The following DOCK9 variants were observed in gnomAD, a reference collection of about 807,000 sequenced individuals.
DOCK9 encodes dedicator of cytokinesis 9.
In DOCK9, 89 loss-of-function variants were observed where a neutral mutation model predicts 263.3. The ratio of observed to expected loss-of-function variants is 0.34; its 90% CI spans 0.28 to 0.40. The LOEUF is 0.40. Ranked by LOEUF, DOCK9 falls within the 10% of genes least tolerant of loss-of-function variation. The pLI is 1.00. For missense variants in DOCK9, 2,140 were observed against 2,603.4 expected (o/e 0.82, Z 3.87); for synonymous variants, 976 against 973.1 (o/e 1.00, Z -0.06).
chr13:99,057,921 A>G (rs1182876607), intron 1 of DOCK9, among the ~76,000 whole-genome samples: 4 of 152,182 alleles, frequency 2.6e-5, no homozygotes, highest in African/African-American at 9.7e-5. Flanking sequence ...TGTTATGTTG[A>G]AAACTGATTG....
At chr13:99,087,944 G>A (rs913431), upstream of DOCK9, 42,570 of 152,300 alleles carry the variant, frequency 0.28, 6,321 homozygotes, top group East Asian at 0.43. Flanking sequence ...AGCCGCCATC[G>A]CTGCGGTGGA....
chr13:98,970,822 T>C (rs1261756583), intron 1 of DOCK9, among the ~76,000 whole-genome samples: 2 of 152,194 alleles, frequency 1.3e-5, no homozygotes, highest in African/African-American at 2.4e-5. Flanking sequence ...ATGCTATCTG[T>C]AGGCTGGAGC....
At chr13:99,015,701 AT>A (rs1367756107) in intron 1 of DOCK9, 7 of 1,448,046 alleles carry the variant, frequency 4.8e-6, no homozygotes, top group Non-Finnish European at 5.4e-6. Flanking sequence ...CCACTGTACC[AT>A]CTTCGTGACA....
chr13:98,984,239 C>A (rs1416483247), intron 1 of DOCK9, among the ~76,000 whole-genome samples: 1 of 152,152 alleles, frequency 6.6e-6, no homozygotes, highest in African/African-American at 2.4e-5. Flanking sequence ...GGCAGGTTCA[C>A]ATTCTATTTA....
At chr13:99,080,041 GATAA>G (rs759638839) in intron 1 of DOCK9, among the ~76,000 whole-genome samples, 1 of 152,052 alleles carries the variant, frequency 6.6e-6, no homozygotes, top group Non-Finnish European at 1.5e-5. Context: ...CTCCATCTCA[GATAA>G]ATAAATAAAT....
chr13:98,845,055 T>C (rs182015776), intron 38 of DOCK9, among the ~76,000 whole-genome samples: 2 of 152,226 alleles, frequency 1.3e-5, no homozygotes, highest in African/African-American at 4.8e-5. Context: ...TCTCATCAAT[T>C]TTTCACGTGC....
chr13:98,941,654 T>A (rs749192286), intron 2 of DOCK9, among the ~76,000 whole-genome samples: 8 of 152,230 alleles, frequency 5.3e-5, no homozygotes, highest in Non-Finnish European at 1.2e-4. Flanking sequence ...GACAGGAGAG[T>A]TACCCAGAAA....
chr13:98,826,793 C>A, intron 44 of DOCK9, 37 bp downstream of exon 44: 1 of 1,529,210 alleles, frequency 6.5e-7, no homozygotes, highest in South Asian at 1.2e-5. Flanking sequence ...TGGTTTTATA[C>A]TAATTAATTT....
intron 27 of DOCK9, among the ~76,000 whole-genome samples, chr13:98,875,107 A>G (rs535602868): frequency 3.4e-4 from 52 of 152,080 alleles, no homozygotes; most frequent in Non-Finnish European, 6.6e-4. Context: ...AAGCTCACAT[A>G]TGCACCTTCC....
chr13:98,816,266 G>A (rs1295855147), intron 45 of DOCK9, among the ~76,000 whole-genome samples: 2 of 152,002 alleles, frequency 1.3e-5, no homozygotes, highest in African/African-American at 4.8e-5. Flanking sequence ...AGACACACAC[G>A]GTCATCCTCA....
At chr13:99,070,392 C>G (rs755979542) in intron 1 of DOCK9, among the ~76,000 whole-genome samples, 1 of 152,174 alleles carries the variant, frequency 6.6e-6, no homozygotes, top group Non-Finnish European at 1.5e-5. Context: ...GTGTTTCCTT[C>G]CAATATTTTT....
intron 1 of DOCK9, among the ~76,000 whole-genome samples, chr13:98,988,143 T>C (rs1878913616): frequency 6.6e-6 from 1 of 152,278 alleles, no homozygotes; most frequent in Non-Finnish European, 1.5e-5. Context: ...GGGAAGTATT[T>C]TAAAATAATG....
chr13:99,070,498 C>T lies in DOCK9; in HGVS notation c.129+15725G>A, dbSNP rs140204431. Among the ~76,000 whole-genome samples the T allele has an allele frequency of 8.8e-4, 134 of 152,258 alleles. 5 individuals are homozygous for T. In the East Asian group the frequency reaches 0.022, roughly 25 times the overall value. ...TAATTTTCCTGTGTTATAAATTCTC[C>T]GCAAGCAGCACTTTAAAGGGTTATA... On this transcript the variant is annotated intron_variant, in intron 1 of 32. Transcript: ENST00000427887.
intron 27 of DOCK9, among the ~76,000 whole-genome samples, chr13:98,875,791 T>C (rs1440092077): frequency 1.3e-5 from 2 of 152,200 alleles, no homozygotes; most frequent in African/African-American, 4.8e-5. Flanking sequence ...AATCCATCCA[T>C]ACTTTGCAGG....
At chr13:98,985,558 T>TA (rs1210633065) in intron 1 of DOCK9, among the ~76,000 whole-genome samples, 2 of 152,216 alleles carry the variant, frequency 1.3e-5, no homozygotes, top group Non-Finnish European at 2.9e-5. Flanking sequence ...ATGGGGCTGT[T>TA]AAGCTCTGGA....
intron 1 of DOCK9, among the ~76,000 whole-genome samples, chr13:99,077,980 G>A (rs1203543231): frequency 6.6e-6 from 1 of 152,120 alleles, no homozygotes; most frequent in Non-Finnish European, 1.5e-5. Flanking sequence ...GAATGAGGAA[G>A]GCAAAGGAGA....
Position 98,831,508 on chromosome 13 carries a change from C to A in DOCK9, c.4475G>T (p.Gly1492Val). The A allele has an allele frequency of 6.3e-7, 1 of 1,587,866 alleles. No homozygotes were observed. Among genetic ancestry groups the A allele is most frequent in the East Asian group, 2.3e-5 (1 of 43,864 alleles). Residue 1492 changes from glycine (G) to valine (V), a missense_variant, in exon 41 of 53, where the codon GGG becomes GTG. Coordinates refer to ENST00000682017, the MANE Select transcript of DOCK9 (RefSeq NM_001366683.2). Reference protein sequence around the residue: ...IYKFPSTFYEGRADMCAALCY... With the variant: ...IYKFPSTFYEVRADMCAALCY... ...CAGAGCCGCACACATGTCCGCTCTC[C>A]CTTCATAGAATGTTGAGGGAAACTA...
At chr13:98,849,393 T>C (rs2093491760) in intron 36 of DOCK9, among the ~76,000 whole-genome samples, 1 of 151,966 alleles carries the variant, frequency 6.6e-6, no homozygotes, top group African/African-American at 2.4e-5. Context: ...TTAGTTATGA[T>C]TTATTCAATT....
At chr13:99,086,264 G>C in exon 1 of DOCK9, 1 of 1,499,512 alleles carries the variant, frequency 6.7e-7, no homozygotes, top group Non-Finnish European at 8.8e-7. Context: ...ACGCTCTGCC[G>C]CAGCTCGGCC....
Sources: gnomAD v4.1 joint callset for allele counts (sites outside exome capture counted in the v4.1 genomes callset) on GRCh38, gnomAD v4.1.1 for gene constraint, MANE v1.5 for transcripts, NCBI Gene and HGNC (gene_info 2026-07-23, HGNC 2026-07-21) for gene names.